RASGRP3: variants seen among roughly 807,000 people sequenced by gnomAD.
RASGRP3 encodes ras guanyl-releasing protein 3.
RASGRP3 carries 54 observed loss-of-function variants against 82.7 expected under a neutral mutation model. The ratio of observed to expected loss-of-function variants is 0.65; its 90% CI spans 0.52 to 0.82. The LOEUF (loss-of-function observed/expected upper bound fraction) is 0.82. RASGRP3 is among the 40% of genes least tolerant of loss of function. RASGRP3 has a pLI of 0.00. For synonymous variants in RASGRP3, 309 were observed against 300.5 expected (o/e 1.03, Z -0.29); for missense variants, 861 against 828.9 (o/e 1.04, Z -0.48).
intron 11 of RASGRP3, 56 bp downstream of exon 11, chr2:33,534,456 C>A: frequency 1.7e-6 from 2 of 1,144,150 alleles, no homozygotes; most frequent in Non-Finnish European, 1.3e-6. Context: ...TTGTCATGTA[C>A]AGTAATTGGC....
At chr2:33,556,526 C>T (rs1033013067) in intron 15 of RASGRP3, among the ~76,000 whole-genome samples, 3 of 88,518 alleles carry the variant, frequency 3.4e-5, no homozygotes, top group Non-Finnish European at 6.2e-5. Context: ...GGATTACAGG[C>T]GTGAGCCACC....
intron 1 of RASGRP3, among the ~76,000 whole-genome samples, chr2:33,495,030 A>C (rs1207229603): frequency 6.6e-6 from 1 of 152,242 alleles, no homozygotes; most frequent in Non-Finnish European, 1.5e-5. Context: ...CAGAAGGCTT[A>C]AGTAAGCATA....
chr2:33,555,634 G>T, intron 15 of RASGRP3, 67 bp downstream of exon 15: 1 of 1,331,420 alleles, frequency 7.5e-7, no homozygotes, highest in East Asian at 2.5e-5. Context: ...AAATTTGTCT[G>T]GTTAAACTAC....
chr2:33,457,354 G>T (rs1465837509), intron 2 of RASGRP3, among the ~76,000 whole-genome samples: 1 of 151,752 alleles, frequency 6.6e-6, no homozygotes, highest in African/African-American at 2.4e-5. Context: ...ATGGTTTGTT[G>T]TCACTGCAGA....
At chr2:33,469,264 G>A (rs1001000873) in intron 2 of RASGRP3, among the ~76,000 whole-genome samples, 1 of 151,748 alleles carries the variant, frequency 6.6e-6, no homozygotes, top group African/African-American at 2.4e-5. Context: ...TTATTTGTAG[G>A]TTAATTTTGA....
chr2:33,548,277 C>T (rs796256001), intron 13 of RASGRP3, among the ~76,000 whole-genome samples: 2 of 140,148 alleles, frequency 1.4e-5, no homozygotes, highest in African/African-American at 5.3e-5. Flanking sequence ...AGGAGAATGG[C>T]GTGAACCTGG....
intron 1 of RASGRP3, among the ~76,000 whole-genome samples, chr2:33,442,427 AATAAGCATGTACTACTTTT>A (rs1444829323): frequency 3.3e-5 from 5 of 152,232 alleles, no homozygotes; most frequent in Admixed American, 3.3e-4. Context: ...CTCCAGGATA[AATAAGCATGTACTACTTTT>A]ATAATCAGGA....
At chr2:33,519,773 TAAATC>T (rs1671839075) in intron 4 of RASGRP3, among the ~76,000 whole-genome samples, 174 bp from the exon 5 acceptor site, 1 of 152,194 alleles carries the variant, frequency 6.6e-6, no homozygotes, top group Non-Finnish European at 1.5e-5. Flanking sequence ...AGAGCTATAA[TAAATC>T]AAGTTTCAAT....
intron 1 of RASGRP3, among the ~76,000 whole-genome samples, chr2:33,507,776 A>G (rs749526862): frequency 4.1e-4 from 62 of 152,084 alleles, no homozygotes; most frequent in Non-Finnish European, 8.1e-4. Flanking sequence ...TCCACCCGCC[A>G]CAGCCTCCCA....
intron 11 of RASGRP3, among the ~76,000 whole-genome samples, chr2:33,536,285 G>A (rs1279653070): frequency 1.5e-5 from 2 of 130,174 alleles, no homozygotes; most frequent in Admixed American, 1.7e-4. Flanking sequence ...CTGGGCAACA[G>A]AGCAAGACTC....
intron 12 of RASGRP3, chr2:33,539,440 C>T (rs1674008393): frequency 2.6e-6 from 1 of 387,374 alleles, no homozygotes; most frequent in Non-Finnish European, 4.7e-6. Flanking sequence ...CAGCTACTTC[C>T]AGCTCCTCTC....
intron 2 of RASGRP3, among the ~76,000 whole-genome samples, chr2:33,452,608 T>A (rs139940262): frequency 8.3e-4 from 127 of 152,290 alleles, no homozygotes; most frequent in African/African-American, 2.9e-3. Context: ...GTCCATGAGA[T>A]GGACCTTGAG....
chr2:33,468,771 G>T (rs1666870345), intron 2 of RASGRP3, among the ~76,000 whole-genome samples: 1 of 151,970 alleles, frequency 6.6e-6, no homozygotes, highest in East Asian at 1.9e-4. Flanking sequence ...AACTACTTTT[G>T]GCACCTAGAT....
intron 2 of RASGRP3, among the ~76,000 whole-genome samples, chr2:33,466,086 A>G (rs1666680008): frequency 6.6e-6 from 1 of 152,226 alleles, no homozygotes; most frequent in Admixed American, 6.5e-5. Context: ...ATGCCTGCTA[A>G]CACAACATCC....
chr2:33,478,990 C>T (rs1157169976), intron 1 of RASGRP3, among the ~76,000 whole-genome samples: 2 of 152,268 alleles, frequency 1.3e-5, no homozygotes, highest in Admixed American at 6.5e-5. Context: ...GAGGGACACC[C>T]TTAGTTACTT....
chr2:33,497,666 G>T (rs187000178), intron 1 of RASGRP3, among the ~76,000 whole-genome samples: 1 of 152,238 alleles, frequency 6.6e-6, no homozygotes, highest in Admixed American at 6.5e-5. Flanking sequence ...GAAATCTCCT[G>T]CTCTTTAACC....
intron 10 of RASGRP3, among the ~76,000 whole-genome samples, chr2:33,527,850 C>T (rs1474421135): frequency 6.6e-6 from 1 of 152,210 alleles, no homozygotes. Context: ...CATTATGAAC[C>T]TCCCAAACCT....
chr2:33,484,790 A>T (rs895875474), intron 1 of RASGRP3, among the ~76,000 whole-genome samples: 1 of 152,244 alleles, frequency 6.6e-6, no homozygotes, highest in African/African-American at 2.4e-5. Context: ...GAGAAGTCAT[A>T]TACCTTGTAG....
chr2:33,471,802 A>G (rs1023821760), upstream of RASGRP3, among the ~76,000 whole-genome samples: 3 of 152,088 alleles, frequency 2.0e-5, no homozygotes, highest in African/African-American at 7.2e-5. Context: ...TATTTTGGCT[A>G]TGTCTCCCAA....
Sources: allele counts gnomAD v4.1 joint callset (sites outside exome capture counted in the v4.1 genomes callset), GRCh38; gene constraint gnomAD v4.1.1; transcripts MANE v1.5; gene names NCBI Gene and HGNC (gene_info 2026-07-23, HGNC 2026-07-21).